The following MORF4L1 variants were observed in gnomAD, a reference collection of about 807,000 sequenced individuals.
MORF4L1 encodes mortality factor 4 like 1.
Under a neutral mutation model 52.9 loss-of-function variants are expected in MORF4L1, and 4 were observed. The ratio of observed to expected loss-of-function variants is 0.08; its 90% CI spans 0.04 to 0.17. The LOEUF (loss-of-function observed/expected upper bound fraction) is 0.17, where lower values mean the gene tolerates loss of function less well. Ranked by LOEUF, MORF4L1 falls within the 10% of genes least tolerant of loss-of-function variation. MORF4L1 has a pLI of 1.00. For missense variants in MORF4L1, 214 were observed against 390.4 expected (o/e 0.55, Z 3.81); for synonymous variants, 123 against 134.8 (o/e 0.91, Z 0.61).
At position 78,877,223 on chromosome 15, in the gene MORF4L1, C is replaced by G. The variant is rs1326042784; in HGVS notation, c.41-990C>G. Among the ~76,000 whole-genome samples, 4 of 148,386 alleles carry G rather than the reference C, an allele frequency of 2.7e-5. No individual in the cohort carries two copies. In the Admixed American group the frequency reaches 2.8e-4, roughly 10 times the overall value. ...GCAACCTCCACCTCCCGGGTTCAAG[C>G]GATTCTCGTGCCTCAGCCTCCCGAA... On this transcript the variant is annotated intron_variant, in intron 1 of 11. Coordinates refer to ENST00000426013, the MANE Select transcript of MORF4L1 (RefSeq NM_006791.4).
At chr15:78,889,318 G>A (rs746779578) in intron 5 of MORF4L1, among the ~76,000 whole-genome samples, 3 of 152,198 alleles carry the variant, frequency 2.0e-5, no homozygotes, top group South Asian at 2.1e-4. Context: ...GAAGTGTTTC[G>A]GACCAGAAGC....
intron 1 of MORF4L1, among the ~76,000 whole-genome samples, chr15:78,875,775 G>C (rs1319735336): frequency 1.3e-5 from 1 of 79,166 alleles, no homozygotes; most frequent in African/African-American, 4.6e-5. Flanking sequence ...CACAGAGTGA[G>C]ACTCCATTTC....
intron 3 of MORF4L1, among the ~76,000 whole-genome samples, chr15:78,883,211 GAAAA>G (rs5813942): frequency 7.3e-6 from 1 of 136,282 alleles, no homozygotes; most frequent in African/African-American, 2.7e-5. Context: ...TGAGACTCAG[GAAAA>G]AAAAAAAAAA....
intron 5 of MORF4L1, among the ~76,000 whole-genome samples, chr15:78,888,563 C>A (rs2056746029): frequency 6.6e-6 from 1 of 151,932 alleles, no homozygotes; most frequent in African/African-American, 2.4e-5. Flanking sequence ...ATTAAGAGGT[C>A]ATTTTATTTC....
rs570514618 is a variant in MORF4L1, at chr15:78,881,189, C to CTTTTTTTTTTTTTTTTT, written c.155+613_155+629dup. On this transcript the variant is annotated intron_variant, in intron 3 of 11. Coordinates refer to ENST00000426013, the MANE Select transcript of MORF4L1 (RefSeq NM_006791.4). Reference sequence around the variant, plus strand: ...AATTTCTCACCCCTAAGAGTTAAGCCTTTTTTTTTTTTTTTTTTTGAGAGA... The same window carrying CTTTTTTTTTTTTTTTTT: ...AATTTCTCACCCCTAAGAGTTAAGCCTTTTTTTTTTTTTTTTTTTTTTTTTTTTTTTTTTTTGAGAGA... Among the ~76,000 whole-genome samples the CTTTTTTTTTTTTTTTTT allele has an allele frequency of 2.5e-4, 17 of 67,182 alleles. 3 individuals carry two copies. Among genetic ancestry groups the CTTTTTTTTTTTTTTTTT allele is most frequent in the African/African-American group, 9.5e-4 (16 of 16,924 alleles). The allele number at this position is 67,182 out of a possible 152,430, so 44.1% of individuals were successfully genotyped here. A position where few individuals can be genotyped will look rare whatever the true frequency, so the allele number is the denominator to read the frequency against.
rs751982342 is a variant in MORF4L1 at position 78,891,001 on chromosome 15, G to C, written c.336G>C (p.Lys112Asn). 6.9e-7 allele frequency: 1 copy of C among 1,458,582 alleles called. No individual in the cohort carries two copies. 90.4% of individuals were successfully genotyped at this position (1,458,582 alleles called of 1,614,324 possible). A position where few individuals can be genotyped will look rare whatever the true frequency, so the allele number is the denominator to read the frequency against. The change falls in exon 6 of 12, where the codon AAG becomes AAC. Residue 112 changes from lysine to asparagine, a missense_variant. This residue lies in a region of MORF4L1 where 84 missense variants were observed against 116.3 expected (regional missense o/e 0.72). Coordinates refer to ENST00000426013, the MANE Select transcript of MORF4L1 (RefSeq NM_006791.4). ...QQKNVEVKTK[K>N]NKQKTPGNGD... ...TCTCTCCTTTTAGGAAAACGAAAAA[G>C]AACAAACAGAAAAGTAAGAATATTA...
intron 2 of MORF4L1, among the ~76,000 whole-genome samples, 179 bp from the exon 3 acceptor site, chr15:78,880,333 T>TG (rs2056578370): frequency 6.6e-6 from 1 of 152,216 alleles, no homozygotes; most frequent in Admixed American, 6.5e-5. Context: ...TCAGCTTTGT[T>TG]GGACCTTTTG....
chr15:78,874,318 C>T (rs1309200896), intron 1 of MORF4L1, among the ~76,000 whole-genome samples: 1 of 152,036 alleles, frequency 6.6e-6, no homozygotes, highest in Non-Finnish European at 1.5e-5. Context: ...CGTAGTACTG[C>T]GTATTTTAAG....
At chr15:78,876,542 A>C in intron 1 of MORF4L1, 1 of 455,954 alleles carries the variant, frequency 2.2e-6, no homozygotes, top group Non-Finnish European at 4.4e-6. Flanking sequence ...CCTCGGTTTC[A>C]GTGCACTTTT....
intron 3 of MORF4L1, among the ~76,000 whole-genome samples, chr15:78,884,242 G>A (rs1195975455): frequency 6.6e-6 from 1 of 150,720 alleles, no homozygotes; most frequent in East Asian, 2.0e-4. Context: ...TGCCAGGCGC[G>A]ATGGCTCATG....
chr15:78,878,277 T>C lies in MORF4L1; in HGVS notation c.87+18T>C, dbSNP rs755431967. On this transcript the variant is annotated intron_variant, in intron 2 of 11. Coordinates refer to ENST00000426013, the MANE Select transcript of MORF4L1 (RefSeq NM_006791.4). ...AAGCAAAGGTATGAAACTTGTTTTC[T>C]TTTGAGAAGTTGGCCAAAACTACTG... The C allele has an allele frequency of 1.2e-5, 20 of 1,608,968 alleles. No homozygotes were observed. Among genetic ancestry groups the C allele is most frequent in the Non-Finnish European group, 1.7e-5 (20 of 1,178,602 alleles).
rs1251256133 is a variant in MORF4L1, at chr15:78,884,152, C to T, written c.156-1989C>T. Reference sequence around the variant, plus strand: ...CTGGGAGGCAGAGGTTGCAGTGAGCCGAGATCGTGCCACTGCACTCCAGCC... The same window carrying T: ...CTGGGAGGCAGAGGTTGCAGTGAGCTGAGATCGTGCCACTGCACTCCAGCC... On this transcript the variant is annotated intron_variant, in intron 3 of 11. Coordinates refer to ENST00000426013, the MANE Select transcript of MORF4L1 (RefSeq NM_006791.4). Among the ~76,000 whole-genome samples, 8 of 149,246 alleles carry T rather than the reference C, an allele frequency of 5.4e-5. No homozygotes were observed. The East Asian group carries it at 5.9e-4, about 11-fold the overall frequency.
At chr15:78,892,170 A>G (rs1226832775) in intron 7 of MORF4L1, 42 bp from the exon 8 acceptor site, 2 of 1,433,806 alleles carry the variant, frequency 1.4e-6, no homozygotes, top group Middle Eastern at 2.4e-4. Context: ...GGTATTTAGC[A>G]AGAAAGGTTA....
chr15:78,889,815 T>A (rs1001245649), intron 5 of MORF4L1, among the ~76,000 whole-genome samples: 1 of 152,218 alleles, frequency 6.6e-6, no homozygotes, highest in African/African-American at 2.4e-5. Flanking sequence ...ATAAGTATTA[T>A]TTAAAGCTAC....
intron 3 of MORF4L1, among the ~76,000 whole-genome samples, chr15:78,882,791 T>G (rs1426534014): frequency 6.8e-6 from 1 of 147,914 alleles, no homozygotes; most frequent in African/African-American, 2.5e-5. Flanking sequence ...AGGAATTGTT[T>G]TAGAGCCAGT....
chr15:78,884,633 CTG>C (rs1414458094), intron 3 of MORF4L1, among the ~76,000 whole-genome samples: 2 of 101,764 alleles, frequency 2.0e-5, no homozygotes, highest in Non-Finnish European at 3.9e-5. Context: ...GAGCGCAACT[CTG>C]TCTCAAAAAA....
chr15:78,874,336 A>C (rs2056436947), intron 1 of MORF4L1, among the ~76,000 whole-genome samples: 1 of 151,792 alleles, frequency 6.6e-6, no homozygotes, highest in Non-Finnish European at 1.5e-5. Context: ...AAGTTTATGG[A>C]ATATTTAAGG....
At chr15:78,886,293 G>T in intron 4 of MORF4L1, 66 bp downstream of exon 4, 1 of 1,326,036 alleles carries the variant, frequency 7.5e-7, no homozygotes, top group South Asian at 1.2e-5. Flanking sequence ...GACATGGAAT[G>T]AACAATGGAG....
intron 3 of MORF4L1, among the ~76,000 whole-genome samples, chr15:78,883,574 A>G (rs1567306258): frequency 6.6e-6 from 1 of 152,140 alleles, no homozygotes; most frequent in East Asian, 1.9e-4. Flanking sequence ...GTTTGTGTAG[A>G]TTTTTTTGTT....
Sources: allele counts gnomAD v4.1 joint callset (sites outside exome capture counted in the v4.1 genomes callset), GRCh38; gene constraint gnomAD v4.1.1; regional missense constraint gnomAD v4.1.1; transcripts MANE v1.5; gene names NCBI Gene and HGNC (gene_info 2026-07-23, HGNC 2026-07-21).